Variants in DNAI4 observed in about 807,000 individuals in gnomAD.
DNAI4 encodes the protein dynein axonemal intermediate chain 4.
DNAI4 carries 85 observed loss-of-function variants against 105.8 expected under a neutral mutation model. That is an observed-to-expected ratio of 0.80 (90% CI 0.67 to 0.96). DNAI4 has a LOEUF of 0.96. Ranked by LOEUF, DNAI4 falls within the 40% of genes least tolerant of loss-of-function variation. The pLI is 0.00. For synonymous variants in DNAI4, 352 were observed against 331.5 expected (o/e 1.06, Z -0.67); for missense variants, 1,014 against 1,005.6 (o/e 1.01, Z -0.11).
chr1:66,825,263 T>G (rs1187869157), intron 15 of DNAI4, among the ~76,000 whole-genome samples: 2 of 139,038 alleles, frequency 1.4e-5, no homozygotes, highest in Non-Finnish European at 3.0e-5. Flanking sequence ...CACTGCAAGC[T>G]CCGCTTCCCG....
At chr1:66,871,340 T>C (rs958578156) in intron 6 of DNAI4, 30 bp downstream of exon 6, 1 of 1,573,608 alleles carries the variant, frequency 6.4e-7, no homozygotes, top group Non-Finnish European at 8.7e-7. Context: ...TAGAACATTA[T>C]AGTTTATCAA....
chr1:66,912,873 T>C (rs1282814261), intron 1 of DNAI4, among the ~76,000 whole-genome samples: 1 of 152,170 alleles, frequency 6.6e-6, no homozygotes, highest in Non-Finnish European at 1.5e-5. Flanking sequence ...CTCAAACCAA[T>C]AGGACCATTT....
chr1:66,888,549 C>G (rs1376714371), intron 4 of DNAI4, among the ~76,000 whole-genome samples: 2 of 152,126 alleles, frequency 1.3e-5, no homozygotes, highest in Admixed American at 6.5e-5. Flanking sequence ...AAAAATTAGC[C>G]AGGCATGGTG....
intron 1 of DNAI4, among the ~76,000 whole-genome samples, chr1:66,911,266 C>A (rs562254251): frequency 6.6e-6 from 1 of 152,162 alleles, no homozygotes. Context: ...AAGATGCATA[C>A]GGCAAGGGAA....
chr1:66,879,116 A>G (rs1438119625), intron 4 of DNAI4, among the ~76,000 whole-genome samples: 2 of 152,180 alleles, frequency 1.3e-5, no homozygotes, highest in Non-Finnish European at 2.9e-5. Context: ...CTATGTATCC[A>G]CCATTATAGT....
At position 66,891,232 on chromosome 1, in the gene DNAI4, T is replaced by G. The variant is rs1054915632; in HGVS notation, c.565A>C (p.Ser189Arg). Residue 189 changes from serine (S) to arginine (R), a missense_variant, in exon 4 of 17, where the codon AGT (serine) becomes CGT (arginine). Coordinates refer to ENST00000371026, the MANE Select transcript of DNAI4 (RefSeq NM_024763.5). ...VLGSSTVSKS[S>R]VSASESIAED... ...GCTATTGATTCACTTGCTGATACAC[T>G]TGACTTAGAAACTGTACTGCTTCCT... is the stretch of plus-strand genomic sequence containing the variant. 1.9e-6 allele frequency: 3 copies of G among 1,613,878 alleles called. No individual in the cohort carries two copies. The South Asian group carries it at 3.3e-5, about 18-fold the overall frequency.
intron 1 of DNAI4, among the ~76,000 whole-genome samples, chr1:66,918,598 AT>A (rs1298239459): frequency 6.6e-6 from 1 of 152,046 alleles, no homozygotes; most frequent in Non-Finnish European, 1.5e-5. Flanking sequence ...GCCTATATCA[AT>A]TTTTCCAGGG....
intron 7 of DNAI4, among the ~76,000 whole-genome samples, chr1:66,850,452 A>G (rs143769321): frequency 4.1e-4 from 62 of 152,196 alleles, no homozygotes; most frequent in African/African-American, 1.5e-3. Flanking sequence ...TCTTCCCTAA[A>G]GAATGGCTAA....
intron 16 of DNAI4, among the ~76,000 whole-genome samples, chr1:66,821,485 G>C (rs1026642637): frequency 6.6e-6 from 1 of 152,132 alleles, no homozygotes; most frequent in African/African-American, 2.4e-5. Flanking sequence ...CCACCAGTAT[G>C]AGAGGACTCA....
At chr1:66,892,265 T>TATAGA (rs1647721678) in intron 3 of DNAI4, among the ~76,000 whole-genome samples, 1 of 152,116 alleles carries the variant, frequency 6.6e-6, no homozygotes, top group Admixed American at 6.5e-5. Context: ...GCAGGCAAAT[T>TATAGA]CAGAGGCAAG....
chr1:66,837,318 T>C (rs1056966308), intron 10 of DNAI4, among the ~76,000 whole-genome samples: 4 of 147,002 alleles, frequency 2.7e-5, no homozygotes, highest in Non-Finnish European at 5.9e-5. Flanking sequence ...TGAGTCGAGA[T>C]TGCGCCACTG....
intron 13 of DNAI4, among the ~76,000 whole-genome samples, chr1:66,829,440 A>G (rs1422815794): frequency 2.6e-5 from 4 of 151,956 alleles, no homozygotes; most frequent in Non-Finnish European, 4.4e-5. Context: ...TGCTAAGTAG[A>G]TTTCAGAGTA....
Position 66,862,137 on chromosome 1 carries a change from G to T in DNAI4, c.1096+10C>A. On this transcript the variant is annotated intron_variant, in intron 7 of 16. Coordinates refer to ENST00000371026, the MANE Select transcript of DNAI4 (RefSeq NM_024763.5). ...GTCATTCAAAAAAACTAAAATAAAT[G>T]AAATCTTACTTTTTTCTGTAGTGCT... 6.4e-7 allele frequency: 1 copy of T among 1,555,784 alleles called. No individual in the cohort carries two copies. Among genetic ancestry groups the T allele is most frequent in the Non-Finnish European group, 8.6e-7 (1 of 1,159,022 alleles).
In DNAI4 at chr1:66,833,674, T is replaced by C. The variant is rs908065845; in HGVS notation, c.1924A>G (p.Ser642Gly). The change falls in exon 13 of 17, where the codon AGT becomes GGT. Residue 642 changes from serine to glycine, a missense_variant. Ser to Gly is a moderately conservative substitution (Grantham distance 56, BLOSUM62 0). Transcript: ENST00000371026. ...TCCTTTTCCCCTCCTTTTTTGTTAC[T>C]GGCAGCTGTAGTTCTCTTTAATCGC... ...LMRLKRTTAA[S>G]NKKGGEKEKK... The C allele has an allele frequency of 1.2e-6, 2 of 1,613,380 alleles. No individual in the cohort carries two copies. The highest frequency in any genetic ancestry group is 1.7e-6 in the Non-Finnish European group (2 of 1,179,564).
chr1:66,834,820 G>A (rs1645946387), intron 11 of DNAI4, among the ~76,000 whole-genome samples: 1 of 151,802 alleles, frequency 6.6e-6, no homozygotes, highest in South Asian at 2.1e-4. Flanking sequence ...ACATATCTTT[G>A]ATTTTTTGGT....
intron 1 of DNAI4, chr1:66,921,505 G>T (rs1372719805): frequency 6.6e-6 from 1 of 152,202 alleles, no homozygotes; most frequent in African/African-American, 2.4e-5. Context: ...ACTGCAAAAA[G>T]TGAAGGTTAT....
Position 66,873,582 on chromosome 1 carries a change from G to A in DNAI4, c.800+1199C>T, listed in dbSNP as rs191574138. On this transcript the variant is annotated intron_variant, in intron 5 of 16. Coordinates refer to ENST00000371026, the MANE Select transcript of DNAI4 (RefSeq NM_024763.5). ...AAGGAATCTTAAGAGCCAAAATGGT[G>A]GTATGCTTTGCTCCAGAGATTTGTG... is the stretch of plus-strand genomic sequence containing the variant. 2.4e-4 allele frequency among the ~76,000 whole-genome samples: 37 copies of A among 152,290 alleles called. 1 individual carries two copies. Among genetic ancestry groups the A allele is most frequent in the African/African-American group, 7.9e-4 (33 of 41,566 alleles).
chr1:66,851,750 C>CA (rs1557925633), intron 7 of DNAI4, among the ~76,000 whole-genome samples: 11 of 151,852 alleles, frequency 7.2e-5, no homozygotes. Flanking sequence ...CAAAACACAA[C>CA]ATATCAAAAT....
intron 1 of DNAI4, among the ~76,000 whole-genome samples, chr1:66,910,806 C>T (rs879428645): frequency 6.6e-6 from 1 of 152,234 alleles, no homozygotes; most frequent in Non-Finnish European, 1.5e-5. Flanking sequence ...GAACTTTAGG[C>T]TCTTTCATTC....
Sources: allele counts gnomAD v4.1 joint callset (sites outside exome capture counted in the v4.1 genomes callset), GRCh38; gene constraint gnomAD v4.1.1; transcripts MANE v1.5; gene names NCBI Gene and HGNC (gene_info 2026-07-23, HGNC 2026-07-21).